The following SLFN5 variants were observed in gnomAD, a reference collection of about 807,000 sequenced individuals.
SLFN5 encodes the protein schlafen family member 5.
SLFN5 carries 34 observed loss-of-function variants against 48.5 expected under a neutral mutation model. The observed-to-expected ratio is 0.70, with a 90% CI of 0.53 to 0.93. SLFN5 has a LOEUF of 0.93. Ranked by LOEUF, SLFN5 falls within the 40% of genes least tolerant of loss-of-function variation. The pLI is 0.00. For missense variants in SLFN5, 1,006 were observed against 1,071.3 expected, an observed-to-expected ratio of 0.94 and a Z score of 0.85; for synonymous variants, 387 against 396.2, an observed-to-expected ratio of 0.98 and a Z score of 0.28.
chr17:35,259,550 G>C lies in SLFN5; in HGVS notation c.860G>C (p.Gly287Ala). The C allele has an allele frequency of 1.9e-6, 3 of 1,614,018 alleles. No individual in the cohort carries two copies. Among genetic ancestry groups the C allele is most frequent in the Non-Finnish European group, 2.5e-6 (3 of 1,180,022 alleles). ...AACTTCCTTGAAGTGCATGATAAGG[G>C]GGCCCTCCGTGGATATGTCTGTGCA... ...VLNFLEVHDK[G>A]ALRGYVCAIK... Residue 287 changes from glycine to alanine, a missense_variant, in exon 2 of 5, where the codon GGG becomes GCG. Gly to Ala is a moderately conservative substitution (Grantham distance 60, BLOSUM62 0). Transcript: ENST00000299977.
Position 35,266,141 on chromosome 17 carries a change from G to GGTGTGTGT in SLFN5, c.*253_*254insGTGTGTGT, listed in dbSNP as rs770741775. ...TAATTAGAGGACCGTGAGACTCAGA[G>GGTGTGTGT]ATGTGTGTGTGTGTGTGTGTGTGTG... On this transcript the variant is annotated 3_prime_UTR_variant, in exon 5 of 5. Transcript: ENST00000299977. 1.1e-3 allele frequency: 404 copies of GGTGTGTGT among 354,028 alleles called. 3 individuals carry two copies. Among genetic ancestry groups the GGTGTGTGT allele is most frequent in the Non-Finnish European group, 1.4e-3 (270 of 196,334 alleles). 21.9% of individuals were successfully genotyped at this position (354,028 alleles called of 1,614,324 possible). A position where few individuals can be genotyped will look rare whatever the true frequency, so the allele number is the denominator to read the frequency against.
At position 35,270,466 on chromosome 17, in the gene SLFN5, C is replaced by G. The variant is rs1904802456; in HGVS notation, c.*4578C>G. ...AGTCATTGGTACAGGTAGGGAAAAT[C>G]TAGGTAAACCACGGTAATACACTGA... On this transcript the variant is annotated 3_prime_UTR_variant, in exon 5 of 5. Coordinates refer to ENST00000299977, the MANE Select transcript of SLFN5 (RefSeq NM_144975.4). 6.6e-6 allele frequency: 1 copy of G among 152,222 alleles called. No individual in the cohort carries two copies. The highest frequency in any genetic ancestry group is 2.4e-5 in the African/African-American group (1 of 41,442). The allele number at this position is 152,222 out of a possible 1,614,324, so 9.4% of individuals were successfully genotyped here.
Position 35,273,463 on chromosome 17 carries a change from A to G in SLFN5, c.*7575A>G, listed in dbSNP as rs935433509. 1.3e-5 allele frequency: 2 copies of G among 152,206 alleles called. No homozygotes were observed. The highest frequency in any genetic ancestry group is 4.8e-5 in the African/African-American group (2 of 41,458). The allele number at this position is 152,206 out of a possible 1,614,324, so 9.4% of individuals were successfully genotyped here. A position where few individuals can be genotyped will look rare whatever the true frequency, so the allele number is the denominator to read the frequency against. ...TTATAAATTACTCTTTTAATTTTCT[A>G]TCAATGAATATCCTGGGATAAACCC... On this transcript the variant is annotated 3_prime_UTR_variant, in exon 5 of 5. Coordinates refer to ENST00000299977, the MANE Select transcript of SLFN5 (RefSeq NM_144975.4).
chr17:35,268,028 T>C lies in SLFN5; in HGVS notation c.*2140T>C, dbSNP rs1381411766. On this transcript the variant is annotated 3_prime_UTR_variant, in exon 5 of 5. Coordinates refer to ENST00000299977, the MANE Select transcript of SLFN5 (RefSeq NM_144975.4). Reference sequence around the variant, plus strand: ...AAGGGGGCTGTGTCTTATTCCTGGATGCTTTGCCTCCTTCATGGAATTCAG... The same window carrying C: ...AAGGGGGCTGTGTCTTATTCCTGGACGCTTTGCCTCCTTCATGGAATTCAG... 1.3e-5 allele frequency: 2 copies of C among 152,210 alleles called. No individual in the cohort carries two copies. Among genetic ancestry groups the C allele is most frequent in the East Asian group, 3.8e-4 (2 of 5,198 alleles). 9.4% of individuals were successfully genotyped at this position (152,210 alleles called of 1,614,324 possible).
rs1475527323 is a variant in SLFN5 at position 35,267,999 on chromosome 17, A to T, written c.*2111A>T. On this transcript the variant is annotated 3_prime_UTR_variant, in exon 5 of 5. Coordinates refer to ENST00000299977, the MANE Select transcript of SLFN5 (RefSeq NM_144975.4). ...ATTTTCCAGGATTTCACATGAATTC[A>T]ATGAAGGGGGCTGTGTCTTATTCCT... The T allele has an allele frequency of 6.6e-6, 1 of 152,180 alleles. No individual in the cohort carries two copies. Among genetic ancestry groups the T allele is most frequent in the Non-Finnish European group, 1.5e-5 (1 of 68,036 alleles). 9.4% of individuals were successfully genotyped at this position (152,180 alleles called of 1,614,324 possible).
rs1381924068 is a variant in SLFN5, at chr17:35,273,278, C to G, written c.*7390C>G. 1 of 151,982 alleles carries G rather than the reference C, an allele frequency of 6.6e-6. No homozygotes were observed. Among genetic ancestry groups the G allele is most frequent in the Non-Finnish European group, 1.5e-5 (1 of 68,012 alleles). 9.4% of individuals were successfully genotyped at this position (151,982 alleles called of 1,614,324 possible). On this transcript the variant is annotated 3_prime_UTR_variant, in exon 5 of 5. Coordinates refer to ENST00000299977, the MANE Select transcript of SLFN5 (RefSeq NM_144975.4). ...TGCAGTAAGTATCTTTGGAAGTATACCTAAAAATTGGTAATAGTGTTTGAC... is the reference window on the plus strand; with the variant it reads ...TGCAGTAAGTATCTTTGGAAGTATAGCTAAAAATTGGTAATAGTGTTTGAC...
chr17:35,257,472 T>G (rs185554420), intron 1 of SLFN5, among the ~76,000 whole-genome samples: 1 of 152,214 alleles, frequency 6.6e-6, no homozygotes, highest in Non-Finnish European at 1.5e-5. Context: ...TGAGCTCTTT[T>G]GCCAATGTTT....
In SLFN5 at chr17:35,266,123, A is replaced by G. The variant is rs1904678003; in HGVS notation, c.*235A>G. The G allele has an allele frequency of 6.1e-6, 3 of 488,736 alleles. No homozygotes were observed. The South Asian group carries it at 8.4e-5, about 14-fold the overall frequency. The allele number at this position is 488,736 out of a possible 1,614,324, so 30.3% of individuals were successfully genotyped here. ...GGTAAAAAGGGATATCAGTAATTAG[A>G]GGACCGTGAGACTCAGAGATGTGTG... On this transcript the variant is annotated 3_prime_UTR_variant, in exon 5 of 5. Coordinates refer to ENST00000299977, the MANE Select transcript of SLFN5 (RefSeq NM_144975.4).
rs556866120 is a variant in SLFN5 at position 35,259,612 on chromosome 17, A to G, written c.922A>G (p.Lys308Glu). The G allele has an allele frequency of 5.7e-5, 92 of 1,609,244 alleles. No homozygotes were observed. The South Asian group carries it at 9.8e-4, about 17-fold the overall frequency. The change falls in exon 2 of 5, where the codon AAA (lysine) becomes GAA (glutamate). Residue 308 changes from lysine (K) to glutamate (E), a missense_variant. Physicochemically the swap from Lys to Glu is moderately conservative, Grantham distance 56. Coordinates refer to ENST00000299977, the MANE Select transcript of SLFN5 (RefSeq NM_144975.4). ...GAAATTCTGCTGTGCGGTGTTTGCCAAAGTGCCTAGTTCCTGGCAGGTGAA... is the reference window on the plus strand; with the variant it reads ...GAAATTCTGCTGTGCGGTGTTTGCCGAAGTGCCTAGTTCCTGGCAGGTGAA... ...VEKFCCAVFA[K>E]VPSSWQVKDN...
chr17:35,256,917 A>G (rs1052443734), intron 1 of SLFN5, among the ~76,000 whole-genome samples: 3 of 152,158 alleles, frequency 2.0e-5, no homozygotes, highest in African/African-American at 7.2e-5. Context: ...GTAAGTGAGC[A>G]TTACCGCCTG....
intron 3 of SLFN5, among the ~76,000 whole-genome samples, chr17:35,262,407 G>GA (rs1555591919): frequency 6.7e-6 from 1 of 148,436 alleles, no homozygotes. Context: ...AAAAGGAAAA[G>GA]AAAAAAAAAT....
chr17:35,265,939 CTG>C lies in SLFN5; in HGVS notation c.*54_*55del. On this transcript the variant is annotated 3_prime_UTR_variant, in exon 5 of 5. Coordinates refer to ENST00000299977, the MANE Select transcript of SLFN5 (RefSeq NM_144975.4). ...TTAAGTGGTTCTCATCTCTAATTAA[CTG>C]TGAAACCATTTAATCCAAACATGTA... 6.7e-7 allele frequency: 1 copy of C among 1,499,330 alleles called. No homozygotes were observed. Among genetic ancestry groups the C allele is most frequent in the Non-Finnish European group, 8.9e-7 (1 of 1,118,284 alleles). The allele number at this position is 1,499,330 out of a possible 1,614,324, so 92.9% of individuals were successfully genotyped here.
At chr17:35,264,069 A>G in intron 3 of SLFN5, 114 bp from the exon 4 acceptor site, 1 of 1,249,172 alleles carries the variant, frequency 8.0e-7, no homozygotes, top group Non-Finnish European at 1.1e-6. Flanking sequence ...CTAATGTATA[A>G]CCTATTGTAG....
chr17:35,245,881 T>C (rs1208034391), intron 1 of SLFN5, among the ~76,000 whole-genome samples: 1 of 152,010 alleles, frequency 6.6e-6, no homozygotes, highest in African/African-American at 2.4e-5. Context: ...GGCTGGGTCA[T>C]ATGGCAAGCG....
intron 1 of SLFN5, among the ~76,000 whole-genome samples, chr17:35,257,913 A>C (rs17630171): frequency 0.33 from 49,925 of 152,096 alleles, 10,049 homozygotes; most frequent in Middle Eastern, 0.51. Context: ...AATAAATATT[A>C]GCACACCCCA....
rs181534337 is a variant in SLFN5 at position 35,246,591 on chromosome 17, A to G, written c.-41+3448A>G. Among the ~76,000 whole-genome samples, 37 of 152,338 alleles carry G rather than the reference A, an allele frequency of 2.4e-4. No homozygotes were observed. In the Middle Eastern group the frequency reaches 0.014, roughly 56 times the overall value. On this transcript the variant is annotated intron_variant, in intron 1 of 4. Coordinates refer to ENST00000299977, the MANE Select transcript of SLFN5 (RefSeq NM_144975.4). ...GCATCTAGGCCAGGTGCAGTGGCTC[A>G]TGCCTGTAAACCCAGCACTTTGGGA...
chr17:35,259,807 G>A (rs865974483), intron 2 of SLFN5, 105 bp downstream of exon 2: 9 of 1,342,786 alleles, frequency 6.7e-6, no homozygotes, highest in Middle Eastern at 2.2e-4. Context: ...TGGGGAAAGA[G>A]ATTTACTCTC....
In SLFN5 at chr17:35,267,102, A is replaced by G. The variant is rs182465941; in HGVS notation, c.*1214A>G. 13 of 152,330 alleles carry G rather than the reference A, an allele frequency of 8.5e-5. No homozygotes were observed. Among genetic ancestry groups the G allele is most frequent in the Non-Finnish European group, 1.5e-5 (1 of 68,030 alleles). 9.4% of individuals were successfully genotyped at this position (152,330 alleles called of 1,614,324 possible). A position where few individuals can be genotyped will look rare whatever the true frequency, so the allele number is the denominator to read the frequency against. ...AACTTTACTTTTTAAATTTGAGACA[A>G]TTTCACAGGAAAGCAAGAAATTAGT... On this transcript the variant is annotated 3_prime_UTR_variant, in exon 5 of 5. Transcript: ENST00000299977.
rs1904513045 is a variant in SLFN5, at chr17:35,261,244, A to AGTGTATAT, written c.1138+150_1138+157dup. 7 of 858,740 alleles carry AGTGTATAT rather than the reference A, an allele frequency of 8.2e-6. No individual in the cohort carries two copies. In the Admixed American group the frequency reaches 1.0e-4, roughly 12 times the overall value. 53.2% of individuals were successfully genotyped at this position (858,740 alleles called of 1,614,324 possible). A position where few individuals can be genotyped will look rare whatever the true frequency, so the allele number is the denominator to read the frequency against. ...CAAACCTTTAAAACTTTTAGTAGAA[A>AGTGTATAT]GTGTATATGAATAATTGTATCATTG... On this transcript the variant is annotated intron_variant, in intron 3 of 4. Coordinates refer to ENST00000299977, the MANE Select transcript of SLFN5 (RefSeq NM_144975.4).
Sources: allele counts gnomAD v4.1 joint callset (sites outside exome capture counted in the v4.1 genomes callset), GRCh38; gene constraint gnomAD v4.1.1; transcripts MANE v1.5; gene names NCBI Gene and HGNC (gene_info 2026-07-23, HGNC 2026-07-21).